Variants in TRIM37 observed in about 807,000 individuals in gnomAD.
The protein encoded by TRIM37 is tripartite motif containing 37, also known as E3 ubiquitin-protein ligase TRIM37.
A neutral mutation model predicts 129.8 loss-of-function variants in TRIM37; 80 were observed. The observed-to-expected ratio is 0.62, with a 90% confidence interval of 0.51 to 0.74. The LOEUF (loss-of-function observed/expected upper bound fraction) is 0.74. Ranked by LOEUF, TRIM37 falls within the 30% of genes least tolerant of loss-of-function variation. TRIM37 has a pLI of 0.00. For synonymous variants in TRIM37, 389 were observed against 387.1 expected, an observed-to-expected ratio of 1.00 and a Z score of -0.06; for missense variants, 1,054 against 1,176.5, an observed-to-expected ratio of 0.90 and a Z score of 1.52.
At chr17:59,029,480 T>A (rs1175692861) in intron 18 of TRIM37, among the ~76,000 whole-genome samples, 1 of 152,206 alleles carries the variant, frequency 6.6e-6, no homozygotes, top group Non-Finnish European at 1.5e-5. Flanking sequence ...CCTTAAAATC[T>A]GGTTCAACTA....
At chr17:59,070,393 C>T (rs2042263454) in intron 9 of TRIM37, among the ~76,000 whole-genome samples, 1 of 152,032 alleles carries the variant, frequency 6.6e-6, no homozygotes, top group Admixed American at 6.6e-5. Context: ...ACTGATGAAG[C>T]TAATGTAATC....
At chr17:59,070,008 C>A (rs902750954) in intron 9 of TRIM37, among the ~76,000 whole-genome samples, 1 of 152,176 alleles carries the variant, frequency 6.6e-6, no homozygotes, top group Non-Finnish European at 1.5e-5. Flanking sequence ...TTTAAAGGCA[C>A]CCAGTATATG....
At chr17:59,087,811 T>C (rs2043906958) in intron 4 of TRIM37, among the ~76,000 whole-genome samples, 1 of 152,204 alleles carries the variant, frequency 6.6e-6, no homozygotes, top group South Asian at 2.1e-4. Context: ...AACCATGTTG[T>C]AGCTTCTTCA....
chr17:59,089,701 G>C (rs1050265095), intron 3 of TRIM37, among the ~76,000 whole-genome samples: 1 of 152,046 alleles, frequency 6.6e-6, no homozygotes, highest in Non-Finnish European at 1.5e-5. Flanking sequence ...TCAAGTGATC[G>C]ACAGCCACAC....
At chr17:58,984,583 G>A (rs1417650671) in intron 24 of TRIM37, 1 of 152,506 alleles carries the variant, frequency 6.6e-6, no homozygotes, top group Non-Finnish European at 1.5e-5. Context: ...GTTAGCAAAA[G>A]AAATTTTTTT....
At chr17:59,053,855 T>C (rs1332501225) in intron 13 of TRIM37, among the ~76,000 whole-genome samples, 2 of 152,142 alleles carry the variant, frequency 1.3e-5, no homozygotes, top group Non-Finnish European at 2.9e-5. Context: ...TCCTACCTAC[T>C]TGGGAAGTTG....
the TRIM37 span, among the ~76,000 whole-genome samples, chr17:58,974,001 T>C: frequency 6.8e-6 from 1 of 146,504 alleles, no homozygotes; most frequent in Non-Finnish European, 1.5e-5. Context: ...TAGTGGCTTG[T>C]GCCTGTAGTC....
chr17:58,988,765 G>A (rs1051608827), intron 24 of TRIM37, among the ~76,000 whole-genome samples: 2 of 151,992 alleles, frequency 1.3e-5, no homozygotes, highest in Non-Finnish European at 2.9e-5. Context: ...CAGTGCTCTG[G>A]TATCCAACAC....
Position 59,047,730 on chromosome 17 carries a change from G to A in TRIM37, c.1620C>T (p.Ser540=). The A allele has an allele frequency of 6.2e-7, 1 of 1,613,884 alleles. No homozygotes were observed. Among genetic ancestry groups the A allele is most frequent in the South Asian group, 1.1e-5 (1 of 91,060 alleles). The stretch of plus-strand genomic sequence containing the variant: ...TTTCTTCTGTATTACTTGTTGCTGT[G>A]GAACTAGCAGAGGAACTGCTGCCAT... ...QLDGSSSSAS[S]TATSNTEEND... is the part of the protein sequence containing the mutation. Residue 540 remains serine, a synonymous_variant, in exon 16 of 24, where the codon TCC becomes TCT. Transcript: ENST00000262294.
chr17:59,017,025 C>T (rs568024275), intron 20 of TRIM37, among the ~76,000 whole-genome samples: 9 of 151,782 alleles, frequency 5.9e-5, no homozygotes, highest in African/African-American at 1.9e-4. Context: ...ATTAGCTAGG[C>T]GTAGTGGTGC....
chr17:58,975,015 T>C, the TRIM37 span, among the ~76,000 whole-genome samples: 5 of 152,190 alleles, frequency 3.3e-5, no homozygotes, highest in Non-Finnish European at 5.9e-5. Flanking sequence ...TATGGAATTA[T>C]TATTATTATT....
chr17:59,001,471 A>T lies in TRIM37; in HGVS notation c.2812+127T>A. On this transcript the variant is annotated intron_variant, in intron 23 of 23. Coordinates refer to ENST00000262294, the MANE Select transcript of TRIM37 (RefSeq NM_015294.6). ...ACAATAATTAAAAAAAAAAAAAAAG[A>T]AGTAGAAGCAGAAGAAGCAAAAGCA... The T allele has an allele frequency of 2.7e-6, 3 of 1,104,230 alleles. No individual in the cohort carries two copies. The South Asian group carries it at 4.3e-5, about 16-fold the overall frequency. The allele number at this position is 1,104,230 out of a possible 1,614,324, so 68.4% of individuals were successfully genotyped here. A position where few individuals can be genotyped will look rare whatever the true frequency, so the allele number is the denominator to read the frequency against.
intron 8 of TRIM37, among the ~76,000 whole-genome samples, chr17:59,072,039 A>C (rs575383760): frequency 7.9e-5 from 12 of 152,260 alleles, no homozygotes; most frequent in African/African-American, 2.9e-4. Context: ...TCTGGAGATA[A>C]TCTTTAAAGA....
intron 22 of TRIM37, among the ~76,000 whole-genome samples, chr17:59,003,525 G>C (rs995641560): frequency 1.3e-5 from 2 of 151,634 alleles, no homozygotes; most frequent in African/African-American, 4.9e-5. Flanking sequence ...GGGTAGTGTA[G>C]TTATTTAAGG....
At chr17:59,075,573 A>C in intron 8 of TRIM37, 74 bp downstream of exon 8, 1 of 994,820 alleles carries the variant, frequency 1.0e-6, no homozygotes, top group Non-Finnish European at 1.5e-6. Context: ...CAAAAAAAAA[A>C]AAAAAAAAAA....
intron 2 of TRIM37, among the ~76,000 whole-genome samples, chr17:59,091,683 G>A (rs1443996330): frequency 7.1e-6 from 1 of 140,496 alleles, no homozygotes; most frequent in Non-Finnish European, 1.5e-5. Flanking sequence ...AATCTAATGG[G>A]TTTAACTCTC....
intron 13 of TRIM37, among the ~76,000 whole-genome samples, chr17:59,056,206 C>CT (rs962517386): frequency 1.1e-3 from 161 of 148,400 alleles, no homozygotes; most frequent in Non-Finnish European, 2.4e-4. Flanking sequence ...CACCCACCCC[C>CT]TTTTTTTTTT....
rs191227235 is a variant in TRIM37, at chr17:59,023,071, T to A, written c.2257+5344A>T. ...AATAGAAGGATGTACCTTTTAACTT[T>A]TTTATTTATTTATTTATTTATTTTT... On this transcript the variant is annotated intron_variant, in intron 19 of 23. Transcript: ENST00000262294. Among the ~76,000 whole-genome samples the A allele has an allele frequency of 1.2e-3, 188 of 152,120 alleles. 1 individual carries two copies. Among genetic ancestry groups the A allele is most frequent in the African/African-American group, 3.2e-3 (131 of 41,530 alleles).
At chr17:59,038,732 TAGTC>T (rs1475669112) in intron 17 of TRIM37, among the ~76,000 whole-genome samples, 2 of 152,188 alleles carry the variant, frequency 1.3e-5, no homozygotes, top group East Asian at 1.9e-4. Flanking sequence ...GCTGAAAAGT[TAGTC>T]AGTCAGTAAG....
Sources: allele counts gnomAD v4.1 joint callset (sites outside exome capture counted in the v4.1 genomes callset), GRCh38; gene constraint gnomAD v4.1.1; transcripts MANE v1.5; gene names NCBI Gene and HGNC (gene_info 2026-07-23, HGNC 2026-07-21).